PERM1: variants seen among roughly 807,000 people sequenced by gnomAD.
The protein encoded by PERM1 is PGC-1 and ERR-induced regulator in muscle protein 1.
A neutral mutation model predicts 44.1 loss-of-function variants in PERM1; 45 were observed. That is an observed-to-expected ratio of 1.02 (90% confidence interval 0.80 to 1.31). PERM1 has a LOEUF of 1.31. Ranked by LOEUF, PERM1 falls within the 50% of genes most tolerant of loss-of-function variation. The pLI is 0.00. For synonymous variants in PERM1, 565 were observed against 477.1 expected, an observed-to-expected ratio of 1.18 and a Z score of -2.40; for missense variants, 1,189 against 1,106.9, an observed-to-expected ratio of 1.07 and a Z score of -1.05.
chr1:979,525 T>C, exon 1 of PERM1: 1 of 1,549,992 alleles, frequency 6.5e-7, no homozygotes, highest in Non-Finnish European at 8.7e-7. Context: ...GCGCACTTTC[T>C]TCTTCCTGGG....
At chr1:979,781 C>T in exon 1 of PERM1, 1 of 1,550,370 alleles carries the variant, frequency 6.5e-7, no homozygotes, top group Admixed American at 2.0e-5. Flanking sequence ...ACTGGGCCTG[C>T]TGTAGGCAAG....
chr1:976,656 C>A (rs1247869564), intron 1 of PERM1, 32 bp from the exon 3 acceptor site: 4 of 1,548,480 alleles, frequency 2.6e-6, no homozygotes, highest in East Asian at 4.9e-5. Flanking sequence ...AGCCCCACGG[C>A]TGCACTCAGA....
intron 1 of PERM1, among the ~76,000 whole-genome samples, chr1:978,411 G>C (rs1643685605): frequency 6.6e-6 from 1 of 152,206 alleles, no homozygotes; most frequent in Non-Finnish European, 1.5e-5. Context: ...CCCTGGACGC[G>C]TCTGTCGGAG....
At chr1:976,413 C>G in intron 2 of PERM1, 86 bp downstream of exon 3, 7 of 1,540,028 alleles carry the variant, frequency 4.5e-6, no homozygotes, top group Non-Finnish European at 6.1e-6. Context: ...GGGGTGAGCC[C>G]CGGGGCCCCC....
upstream of PERM1, among the ~76,000 whole-genome samples, chr1:981,457 C>T (rs555275824): frequency 6.6e-5 from 10 of 152,362 alleles, no homozygotes; most frequent in South Asian, 1.4e-3. Context: ...TGTCTTTGCA[C>T]GGCAAAGCAC....
Position 976,278 on chromosome 1 carries a change from G to C in PERM1, c.2276-9C>G, listed in dbSNP as rs552148091. 6.6e-7 allele frequency: 1 copy of C among 1,507,760 alleles called. No homozygotes were observed. The highest frequency in any genetic ancestry group is 2.5e-5 in the East Asian group (1 of 40,660). The allele number at this position is 1,507,760 out of a possible 1,614,324, so 93.4% of individuals were successfully genotyped here. ...GACGTTGGCCAGCAAGGCTGCAAGA[G>C]AAGCACAGGCTCTTCTGAGGGCCAG... On this transcript the variant is annotated splice_polypyrimidine_tract_variant and intron_variant, in intron 2 of 2. Coordinates refer to ENST00000433179, the Ensembl canonical transcript of PERM1.
At chr1:981,807 G>A (rs896353977), upstream of PERM1, among the ~76,000 whole-genome samples, 2 of 152,342 alleles carry the variant, frequency 1.3e-5, no homozygotes, top group Admixed American at 6.5e-5. Context: ...CCTTTGCCCC[G>A]TCTCAGAGAA....
chr1:979,670 C>T (rs919232287), exon 1 of PERM1: 7 of 1,550,292 alleles, frequency 4.5e-6, no homozygotes, highest in Non-Finnish European at 6.1e-6. Flanking sequence ...AGGCCAGCGG[C>T]GTCGGCTCTG....
At chr1:978,434 C>T (rs1348172856) in intron 1 of PERM1, among the ~76,000 whole-genome samples, 2 of 152,198 alleles carry the variant, frequency 1.3e-5, no homozygotes, top group African/African-American at 4.8e-5. Flanking sequence ...ACATCGCCCC[C>T]GTGCTTCTTC....
Position 976,627 on chromosome 1 carries a change from A to G in PERM1, c.2150-3T>C, listed in dbSNP as rs1304933387. ...TGGGACAGGCCCCCGGAGCTCCCCT[A>G]GGACAGAAGCTCACCTTCAGCCCCA... On this transcript the variant is annotated splice_polypyrimidine_tract_variant and splice_region_variant and intron_variant, in intron 1 of 2. Transcript: ENST00000433179. 1 of 1,548,868 alleles carries G rather than the reference A, an allele frequency of 6.5e-7. No individual in the cohort carries two copies. Among genetic ancestry groups the G allele is most frequent in the Non-Finnish European group, 8.7e-7 (1 of 1,146,086 alleles).
exon 1 of PERM1, chr1:979,517 G>C: frequency 6.5e-7 from 1 of 1,549,932 alleles, no homozygotes; most frequent in Non-Finnish European, 8.7e-7. Flanking sequence ...ACGGAGAAGC[G>C]CACTTTCTTC....
chr1:982,054 C>T, upstream of PERM1: 1 of 1,288,426 alleles, frequency 7.8e-7, no homozygotes. Flanking sequence ...CAGCAGCTGA[C>T]CATGTCCTAC....
chr1:981,482 C>G (rs183078829), upstream of PERM1, among the ~76,000 whole-genome samples: 220 of 152,358 alleles, frequency 1.4e-3, no homozygotes, highest in Non-Finnish European at 2.8e-3. Flanking sequence ...CAGGGTCCAC[C>G]CGATGGGACC....
chr1:981,502 G>A (rs1052179282), upstream of PERM1, among the ~76,000 whole-genome samples: 4 of 152,232 alleles, frequency 2.6e-5, no homozygotes, highest in Non-Finnish European at 5.9e-5. Context: ...CAGTGCCCTC[G>A]GGGGTGGGCA....
At chr1:979,767 A>C (rs1193622765) in exon 1 of PERM1, 17 of 1,550,228 alleles carry the variant, frequency 1.1e-5, no homozygotes, top group Non-Finnish European at 1.5e-5. Context: ...CCTCTAGCTT[A>C]GCCACTGGGC....
Position 980,867 on chromosome 1 carries a change from TG to T in PERM1, c.162del (p.Arg55GlyfsTer10). 2 of 1,406,014 alleles carry T rather than the reference TG, an allele frequency of 1.4e-6. No individual in the cohort carries two copies. The highest frequency in any genetic ancestry group is 1.8e-6 in the Non-Finnish European group (2 of 1,088,602). The allele number at this position is 1,406,014 out of a possible 1,614,324, so 87.1% of individuals were successfully genotyped here. A position where few individuals can be genotyped will look rare whatever the true frequency, so the allele number is the denominator to read the frequency against. ...TGCCCAGTTGGGAGAGGTGGGGCCC[TG>T]GGGGGACTGCTGCCACTGCTGTCCC... On this transcript the variant is annotated frameshift_variant, in exon 1 of 3. Transcript: ENST00000433179. LOFTEE classifies it high-confidence loss of function.
At chr1:976,134 TCTC>T (rs1340065060) in exon 3 of PERM1, 2 of 1,538,344 alleles carry the variant, frequency 1.3e-6, no homozygotes, top group Non-Finnish European at 1.8e-6. Context: ...CCTGTGGTCG[TCTC>T]CTCATCCTGC....
chr1:979,637 C>G lies in PERM1; in HGVS notation c.1393G>C (p.Ala465Pro). 5 of 1,550,278 alleles carry G rather than the reference C, an allele frequency of 3.2e-6. No homozygotes were observed. The South Asian group carries it at 5.9e-5, about 18-fold the overall frequency. The change falls in exon 1 of 3, where the codon GCT becomes CCT. Residue 465 changes from alanine to proline, a missense_variant. Ala to Pro is a conservative substitution (Grantham distance 27). Transcript: ENST00000433179. Reference sequence around the variant, plus strand: ...TCCATCTCCACCACATCAGGCCCAGCTCTGCGGGTGGGAGGCCAGGCGAGG... The same window carrying G: ...TCCATCTCCACCACATCAGGCCCAGGTCTGCGGGTGGGAGGCCAGGCGAGG...
exon 3 of PERM1, chr1:975,789 C>T (rs1418728244): frequency 5.2e-6 from 1 of 193,670 alleles, no homozygotes; most frequent in East Asian, 1.6e-4. Flanking sequence ...CCCCCTGCAC[C>T]CCAGAAGAAA....
Sources: allele counts gnomAD v4.1 joint callset (sites outside exome capture counted in the v4.1 genomes callset), GRCh38; gene constraint gnomAD v4.1.1; transcripts MANE v1.5; gene names NCBI Gene and HGNC (gene_info 2026-07-23, HGNC 2026-07-21).